Variants in ARID4A observed in about 807,000 individuals in gnomAD.
ARID4A encodes the protein AT-rich interactive domain-containing protein 4A.
In ARID4A, 39 loss-of-function variants were observed where a neutral mutation model predicts 148.6. The observed-to-expected ratio is 0.26, with a 90% CI of 0.20 to 0.34. The LOEUF (loss-of-function observed/expected upper bound fraction) is 0.34, where lower values mean the gene tolerates loss of function less well. Among genes scored for constraint, ARID4A ranks in the 10% least tolerant of loss-of-function variants. ARID4A has a pLI of 1.00. For synonymous variants in ARID4A, 475 were observed against 481.2 expected (o/e 0.99, Z 0.17); for missense variants, 1,265 against 1,449.1 (o/e 0.87, Z 2.06).
At position 58,322,936 on chromosome 14, in the gene ARID4A, C is replaced by T. The variant is rs2032984281; in HGVS notation, c.450-549C>T. On this transcript the variant is annotated intron_variant, in intron 7 of 23. Transcript: ENST00000355431. ...TGAGATAGCACCACTGAACTCCAGC[C>T]TGGGTGACAAAGCGAGACTCCATTT... Among the ~76,000 whole-genome samples, 7 of 119,732 alleles carry T rather than the reference C, an allele frequency of 5.8e-5. No homozygotes were observed. The South Asian group carries it at 1.9e-3, about 32-fold the overall frequency. The allele number at this position is 119,732 out of a possible 152,430, so 78.5% of individuals were successfully genotyped here. A position where few individuals can be genotyped will look rare whatever the true frequency, so the allele number is the denominator to read the frequency against.
At chr14:58,322,320 T>C (rs1398341823) in intron 7 of ARID4A, among the ~76,000 whole-genome samples, 1 of 152,166 alleles carries the variant, frequency 6.6e-6, no homozygotes, top group Non-Finnish European at 1.5e-5. Flanking sequence ...GGACATGATA[T>C]ATATTTAATA....
At position 58,347,645 on chromosome 14, in the gene ARID4A, A is replaced by T; in HGVS notation, c.1173-2A>T. 1 of 1,554,402 alleles carries T rather than the reference A, an allele frequency of 6.4e-7. No homozygotes were observed. The highest frequency in any genetic ancestry group is 8.7e-7 in the Non-Finnish European group (1 of 1,147,074). Reference sequence around the variant, plus strand: ...TTCTTAAATGAAATATTGTTTGTTTAGGTATCTCTATGGTTTTGAGGAGTA... The same window carrying T: ...TTCTTAAATGAAATATTGTTTGTTTTGGTATCTCTATGGTTTTGAGGAGTA... On this transcript the variant is annotated splice_acceptor_variant, in intron 14 of 23. Transcript: ENST00000355431. LOFTEE classifies it high-confidence loss of function.
At chr14:58,332,054 A>T (rs2033560050) in intron 11 of ARID4A, among the ~76,000 whole-genome samples, 2 of 127,178 alleles carry the variant, frequency 1.6e-5, no homozygotes, top group South Asian at 5.5e-4. Flanking sequence ...AGAGCTTTGT[A>T]GGAAGTGGCA....
chr14:58,351,800 TTC>T (rs2034650923), intron 16 of ARID4A: 1 of 152,358 alleles, frequency 6.6e-6, no homozygotes, highest in South Asian at 2.1e-4. Flanking sequence ...GCACCCCTGA[TTC>T]TAGTTTGGAA....
chr14:58,355,932 A>G (rs1225890508), intron 17 of ARID4A, among the ~76,000 whole-genome samples: 1 of 151,794 alleles, frequency 6.6e-6, no homozygotes, highest in African/African-American at 2.4e-5. Flanking sequence ...CAGGTTTTGG[A>G]TTAGTCATCT....
At chr14:58,332,815 C>T (rs1223162021) in intron 11 of ARID4A, among the ~76,000 whole-genome samples, 1 of 152,064 alleles carries the variant, frequency 6.6e-6, no homozygotes, top group Non-Finnish European at 1.5e-5. Flanking sequence ...TTACAATAAT[C>T]AAAAAGATCT....
At chr14:58,319,415 C>G (rs186498997) in intron 7 of ARID4A, among the ~76,000 whole-genome samples, 1 of 148,958 alleles carries the variant, frequency 6.7e-6, no homozygotes, top group Admixed American at 6.7e-5. Flanking sequence ...GATGATTTTT[C>G]TATTTTAAGT....
chr14:58,315,109 A>T (rs2032320334), intron 5 of ARID4A, among the ~76,000 whole-genome samples: 2 of 151,982 alleles, frequency 1.3e-5, no homozygotes, highest in African/African-American at 2.4e-5. Context: ...ACAGAATGAG[A>T]CTCTGTCTCT....
At chr14:58,355,035 AG>A (rs1422620007) in intron 17 of ARID4A, among the ~76,000 whole-genome samples, 1 of 152,214 alleles carries the variant, frequency 6.6e-6, no homozygotes, top group East Asian at 1.9e-4. Flanking sequence ...AGTGTGGCCT[AG>A]CTATGAGTGC....
chr14:58,331,448 C>T (rs1042086328), intron 11 of ARID4A: 7 of 152,152 alleles, frequency 4.6e-5, no homozygotes, highest in African/African-American at 1.7e-4. Context: ...TGAAAAATGT[C>T]CAGACCCTGT....
intron 11 of ARID4A, 50 bp from the exon 12 acceptor site, chr14:58,344,645 T>C: frequency 1.5e-6 from 2 of 1,299,220 alleles, no homozygotes; most frequent in Non-Finnish European, 2.2e-6. Context: ...AGAAGACATG[T>C]ATCTTTTCCA....
chr14:58,366,846 T>C, intron 22 of ARID4A, 37 bp from the exon 23 acceptor site: 1 of 1,430,474 alleles, frequency 7.0e-7, no homozygotes. Context: ...CACAGAATTA[T>C]TTTAAAATCC....
At chr14:58,335,608 C>T (rs571395678) in intron 11 of ARID4A, among the ~76,000 whole-genome samples, 2 of 152,188 alleles carry the variant, frequency 1.3e-5, no homozygotes, top group Admixed American at 6.5e-5. Flanking sequence ...CCACCGTGCC[C>T]GGCCAAGGAT....
chr14:58,364,376 G>A lies in ARID4A; in HGVS notation c.2287G>A (p.Gly763Arg), dbSNP rs1242185653. The change falls in exon 20 of 24, where the codon GGA becomes AGA. Residue 763 changes from glycine (G) to arginine (R), a missense_variant. This residue lies in a region of ARID4A where 666 missense variants were observed against 730.9 expected (regional missense o/e 0.91). Transcript: ENST00000355431. Reference protein sequence around the residue: ...QPLETLKLEVGENEQIVQIFG... With the variant: ...QPLETLKLEVRENEQIVQIFG... ...TTTAGAAACCCTGAAGTTAGAAGTT[G>A]GAGAGAATGAACAAATAGTACAGAT... The A allele has an allele frequency of 1.2e-6, 2 of 1,602,756 alleles. No homozygotes were observed. Among genetic ancestry groups the A allele is most frequent in the Admixed American group, 1.7e-5 (1 of 57,498 alleles).
intron 4 of ARID4A, among the ~76,000 whole-genome samples, chr14:58,305,782 G>A (rs1000922115): frequency 5.9e-5 from 9 of 152,076 alleles, no homozygotes; most frequent in East Asian, 3.8e-4. Flanking sequence ...CTTTCTGAAC[G>A]GCAATTTTCA....
At chr14:58,348,000 T>C in intron 15 of ARID4A, 122 bp downstream of exon 15, 1 of 659,750 alleles carries the variant, frequency 1.5e-6, no homozygotes, top group Non-Finnish European at 2.5e-6. Flanking sequence ...TATTTAATGC[T>C]GCTTAGCTAG....
chr14:58,350,991 A>G (rs1042828111), intron 15 of ARID4A, 82 bp from the exon 16 acceptor site: 85 of 1,400,100 alleles, frequency 6.1e-5, no homozygotes, highest in Non-Finnish European at 7.9e-5. Flanking sequence ...ATTGCTATGA[A>G]GGTTAAAGGA....
intron 1 of ARID4A, among the ~76,000 whole-genome samples, chr14:58,298,955 C>T (rs898496840): frequency 1.6e-4 from 24 of 152,182 alleles, no homozygotes; most frequent in Non-Finnish European, 3.1e-4. Context: ...TGGGGCTGGC[C>T]GCGCCGCTAA....
At chr14:58,352,469 T>C (rs1180793422) in intron 16 of ARID4A, among the ~76,000 whole-genome samples, 1 of 152,180 alleles carries the variant, frequency 6.6e-6, no homozygotes, top group South Asian at 2.1e-4. Flanking sequence ...ATAAAACATA[T>C]AATACATCTA....
Sources: gnomAD v4.1 joint callset for allele counts (sites outside exome capture counted in the v4.1 genomes callset) on GRCh38, gnomAD v4.1.1 for gene constraint, gnomAD v4.1.1 regional missense constraint, MANE v1.5 for transcripts, NCBI Gene and HGNC (gene_info 2026-07-23, HGNC 2026-07-21) for gene names.